IL1F10: variants seen among roughly 807,000 people sequenced by gnomAD.
IL1F10 encodes interleukin-1 family member 10.
In IL1F10, 13 loss-of-function variants were observed where a neutral mutation model predicts 13.1. The ratio of observed to expected loss-of-function variants is 0.99; its 90% confidence interval spans 0.64 to 1.57. The LOEUF (loss-of-function observed/expected upper bound fraction) is 1.57, where lower values mean the gene tolerates loss of function less well. Among genes scored for constraint, IL1F10 ranks in the 40% most tolerant of loss-of-function variants. IL1F10 has a pLI of 0.00. For synonymous variants in IL1F10, 78 were observed against 68.2 expected, an observed-to-expected ratio of 1.14 and a Z score of -0.71; for missense variants, 191 against 184.1, an observed-to-expected ratio of 1.04 and a Z score of -0.22.
At chr2:113,070,190 G>A (rs1380286203) in intron 1 of IL1F10, among the ~76,000 whole-genome samples, 5 of 152,162 alleles carry the variant, frequency 3.3e-5, no homozygotes, top group African/African-American at 1.2e-4. Context: ...TTGGGGGTGA[G>A]GCATGTGGCA....
intron 1 of IL1F10, among the ~76,000 whole-genome samples, chr2:113,069,648 T>C (rs1480729765): frequency 6.6e-6 from 1 of 152,180 alleles, no homozygotes; most frequent in Non-Finnish European, 1.5e-5. Context: ...GGCTGTCCTG[T>C]AGGCTGCAGG....
chr2:113,072,785 C>A lies in IL1F10; in HGVS notation c.32+15C>A. The A allele has an allele frequency of 6.2e-7, 1 of 1,610,756 alleles. No individual in the cohort carries two copies. Among genetic ancestry groups the A allele is most frequent in the Non-Finnish European group, 8.5e-7 (1 of 1,177,680 alleles). ...AGATACTACATGTAAGTTGTCCTGG[C>A]ATGTCCCTGCTTTCCAAGCCAGGGG... On this transcript the variant is annotated intron_variant, in intron 2 of 4. Transcript: ENST00000341010.
At chr2:113,073,363 C>T (rs3811054) in intron 2 of IL1F10, among the ~76,000 whole-genome samples, 34,818 of 151,992 alleles carry the variant, frequency 0.23, 6,450 homozygotes, top group African/African-American at 0.51. Flanking sequence ...TTTCCTCTGC[C>T]CCTCCCATGG....
chr2:113,074,428 G>T lies in IL1F10; in HGVS notation c.118+14G>T, dbSNP rs750908250. ...ACTGCTGTGCAGGTGAGCTTCTGGG[G>T]CCTCCACCCCATGCTCCATCTGCCA... On this transcript the variant is annotated intron_variant, in intron 3 of 4. Transcript: ENST00000341010. 1 of 1,596,408 alleles carries T rather than the reference G, an allele frequency of 6.3e-7. No homozygotes were observed. Among genetic ancestry groups the T allele is most frequent in the Admixed American group, 1.7e-5 (1 of 59,998 alleles).
chr2:113,075,062 A>T (rs956141478), intron 4 of IL1F10, 90 bp from the exon 5 acceptor site: 1 of 1,318,486 alleles, frequency 7.6e-7, no homozygotes, highest in Non-Finnish European at 1.0e-6. Flanking sequence ...CAGCCCTGTC[A>T]GGTCCTTTTT....
At chr2:113,071,395 A>G (rs574471623) in intron 1 of IL1F10, among the ~76,000 whole-genome samples, 4 of 152,376 alleles carry the variant, frequency 2.6e-5, no homozygotes, top group South Asian at 4.1e-4. Flanking sequence ...ACATTTTTGT[A>G]AGTAAACATT....
At chr2:113,070,069 C>A (rs532088163) in intron 1 of IL1F10, among the ~76,000 whole-genome samples, 4 of 151,920 alleles carry the variant, frequency 2.6e-5, no homozygotes, top group African/African-American at 9.7e-5. Context: ...AGGTGAATTG[C>A]GGAGGTCTGA....
At chr2:113,074,588 T>C in intron 3 of IL1F10, 135 bp from the exon 4 acceptor site, 1 of 1,219,158 alleles carries the variant, frequency 8.2e-7, no homozygotes, top group Non-Finnish European at 1.2e-6. Context: ...AAGTCCTGGC[T>C]CACCGTCCAG....
chr2:113,071,113 G>C (rs10496448), intron 1 of IL1F10, among the ~76,000 whole-genome samples: 6,279 of 152,306 alleles, frequency 0.041, 364 homozygotes, highest in East Asian at 0.22. Flanking sequence ...CCATAGGTAA[G>C]TGGTGCAACA....
chr2:113,075,406 A>G lies in IL1F10; in HGVS notation c.*42A>G. The G allele has an allele frequency of 1.4e-6, 2 of 1,414,986 alleles. No individual in the cohort carries two copies. Among genetic ancestry groups the G allele is most frequent in the Non-Finnish European group, 1.9e-6 (2 of 1,035,206 alleles). The allele number at this position is 1,414,986 out of a possible 1,614,324, so 87.7% of individuals were successfully genotyped here. A position where few individuals can be genotyped will look rare whatever the true frequency, so the allele number is the denominator to read the frequency against. The stretch of plus-strand genomic sequence containing the variant: ...GTTTTAGCCTTGTGCCCCCAAACCA[A>G]GCTCATCCTGCTCAGGGTCTATGGT... On this transcript the variant is annotated 3_prime_UTR_variant, in exon 5 of 5. Transcript: ENST00000341010.
chr2:113,068,341 G>GTTTTT lies in IL1F10; in HGVS notation c.-29+335_-29+339dup, dbSNP rs11334338. On this transcript the variant is annotated intron_variant, in intron 1 of 4. Transcript: ENST00000341010. ...GAAGCTTAAGAGATTTTTTGTTTTC[G>GTTTTT]TTTTTTTTTTTTTTGTGCTCCTTGG... is the stretch of plus-strand genomic sequence containing the variant. Among the ~76,000 whole-genome samples, 1,072 of 140,676 alleles carry GTTTTT rather than the reference G, an allele frequency of 7.6e-3. 22 individuals are homozygous for GTTTTT. Among genetic ancestry groups the GTTTTT allele is most frequent in the African/African-American group, 0.026 (1,010 of 38,286 alleles). The allele number at this position is 140,676 out of a possible 152,430, so 92.3% of individuals were successfully genotyped here. A position where few individuals can be genotyped will look rare whatever the true frequency, so the allele number is the denominator to read the frequency against.
intron 1 of IL1F10, among the ~76,000 whole-genome samples, chr2:113,070,258 T>A (rs1685809957): frequency 6.6e-6 from 1 of 152,198 alleles, no homozygotes; most frequent in Admixed American, 6.5e-5. Flanking sequence ...GGCTCTCTGA[T>A]GGACCAGACG....
intron 2 of IL1F10, 142 bp downstream of exon 2, chr2:113,072,912 G>A (rs912447738): frequency 8.6e-5 from 59 of 682,218 alleles, no homozygotes; most frequent in Non-Finnish European, 1.4e-4. Context: ...CATCACCACA[G>A]TAGCAACAGC....
At chr2:113,070,413 C>T (rs943976464) in intron 1 of IL1F10, among the ~76,000 whole-genome samples, 5 of 152,212 alleles carry the variant, frequency 3.3e-5, no homozygotes, top group Non-Finnish European at 7.3e-5. Flanking sequence ...TCCAGCTGGA[C>T]TGGACCAGCA....
At chr2:113,074,217 G>T in intron 2 of IL1F10, 112 bp from the exon 3 acceptor site, 1 of 708,516 alleles carries the variant, frequency 1.4e-6, no homozygotes, top group Admixed American at 2.1e-5. Flanking sequence ...CTGTGAAGGA[G>T]AGAAAATCGC....
chr2:113,069,311 T>C (rs1278552797), intron 1 of IL1F10, among the ~76,000 whole-genome samples: 7 of 150,342 alleles, frequency 4.7e-5, no homozygotes, highest in Non-Finnish European at 1.0e-4. Flanking sequence ...GTGAAAAAAA[T>C]CTTTAGAACG....
intron 1 of IL1F10, among the ~76,000 whole-genome samples, chr2:113,071,264 T>A (rs1017938922): frequency 3.9e-5 from 6 of 152,224 alleles, no homozygotes; most frequent in Admixed American, 3.3e-4. Flanking sequence ...TATAATATCA[T>A]CTTTAACAAA....
chr2:113,070,161 A>C (rs1685808441), intron 1 of IL1F10, among the ~76,000 whole-genome samples: 1 of 152,108 alleles, frequency 6.6e-6, no homozygotes, highest in African/African-American at 2.4e-5. Flanking sequence ...TCATTTGAGG[A>C]AAATAGGGAG....
chr2:113,073,252 C>A (rs550444092), intron 2 of IL1F10, among the ~76,000 whole-genome samples: 1 of 152,340 alleles, frequency 6.6e-6, no homozygotes, highest in East Asian at 1.9e-4. Flanking sequence ...GATTTGCATC[C>A]TTCCTTATCT....
Sources: allele counts gnomAD v4.1 joint callset (sites outside exome capture counted in the v4.1 genomes callset), GRCh38; gene constraint gnomAD v4.1.1; transcripts MANE v1.5; gene names NCBI Gene and HGNC (gene_info 2026-07-23, HGNC 2026-07-21).